The following CHRM3 variants were observed in gnomAD, a reference collection of about 807,000 sequenced individuals.
CHRM3 encodes cholinergic receptor muscarinic 3, also known as muscarinic acetylcholine receptor M3.
A neutral mutation model predicts 41.8 loss-of-function variants in CHRM3; 11 were observed. The ratio of observed to expected loss-of-function variants is 0.26; its 90% CI spans 0.17 to 0.44. The LOEUF (loss-of-function observed/expected upper bound fraction) is 0.44. Ranked by LOEUF, CHRM3 falls within the 20% of genes least tolerant of loss-of-function variation. The pLI, the probability that CHRM3 is intolerant of heterozygous loss-of-function variation, is 1.00. For synonymous variants in CHRM3, 297 were observed against 301.4 expected (o/e 0.99, Z 0.15); for missense variants, 571 against 745.4 (o/e 0.77, Z 2.72).
chr1:239,897,828 T>C (rs1679139160), intron 6 of CHRM3, among the ~76,000 whole-genome samples: 1 of 152,224 alleles, frequency 6.6e-6, no homozygotes, highest in Non-Finnish European at 1.5e-5. Context: ...ATCTAGGTTT[T>C]TGTTTTTGAG....
chr1:239,568,116 G>C (rs543218240), intron 3 of CHRM3, among the ~76,000 whole-genome samples: 1 of 152,072 alleles, frequency 6.6e-6, no homozygotes, highest in Admixed American at 6.5e-5. Flanking sequence ...GGACAGCCAG[G>C]TTCAGTTTCA....
At chr1:239,623,268 C>T (rs1668602420) in intron 3 of CHRM3, among the ~76,000 whole-genome samples, 1 of 144,918 alleles carries the variant, frequency 6.9e-6, no homozygotes, top group South Asian at 2.3e-4. Context: ...CCCCCTCCCC[C>T]AACCCCACAA....
chr1:239,576,889 T>A (rs1558333857), intron 3 of CHRM3, among the ~76,000 whole-genome samples: 1 of 152,132 alleles, frequency 6.6e-6, no homozygotes, highest in Non-Finnish European at 1.5e-5. Context: ...AAGCACACAC[T>A]GTGCTACCTG....
chr1:239,882,743 A>G (rs1677748526), intron 6 of CHRM3, among the ~76,000 whole-genome samples: 1 of 152,238 alleles, frequency 6.6e-6, no homozygotes, highest in African/African-American at 2.4e-5. Context: ...TTAGAATATC[A>G]TATGTGTGTG....
At chr1:239,870,407 G>A (rs555414963) in intron 6 of CHRM3, among the ~76,000 whole-genome samples, 4 of 152,172 alleles carry the variant, frequency 2.6e-5, no homozygotes, top group Non-Finnish European at 5.9e-5. Flanking sequence ...TAAGTCATAC[G>A]ATAAGGATTA....
intron 2 of CHRM3, among the ~76,000 whole-genome samples, chr1:239,527,544 T>G (rs1218671): frequency 0.31 from 46,399 of 152,060 alleles, 7,238 homozygotes; most frequent in Middle Eastern, 0.48. Context: ...AGGTCTGAGA[T>G]TTTTGCTCTC....
At chr1:239,581,219 G>A (rs1662869060) in intron 3 of CHRM3, among the ~76,000 whole-genome samples, 1 of 151,910 alleles carries the variant, frequency 6.6e-6, no homozygotes, top group African/African-American at 2.4e-5. Context: ...CATATGTCGA[G>A]GACTTATTAT....
At chr1:239,531,869 C>A (rs1320564304) in intron 2 of CHRM3, among the ~76,000 whole-genome samples, 1 of 150,288 alleles carries the variant, frequency 6.7e-6, no homozygotes, top group Non-Finnish European at 1.5e-5. Context: ...CTGTGTTAGC[C>A]AGGTTGGTCT....
At position 239,767,728 on chromosome 1, in the gene CHRM3, G is replaced by A. The variant is rs182611744; in HGVS notation, c.-146-59524G>A. Among the ~76,000 whole-genome samples, 21 of 152,182 alleles carry A rather than the reference G, an allele frequency of 1.4e-4. No individual in the cohort carries two copies. The South Asian group carries it at 1.7e-3, about 12-fold the overall frequency. ...ATTTTATTTAATCTTCACAATGATCGTGCAAGATACCGATTTTCTTGCAGA... is the reference window on the plus strand; with the variant it reads ...ATTTTATTTAATCTTCACAATGATCATGCAAGATACCGATTTTCTTGCAGA... On this transcript the variant is annotated intron_variant, in intron 5 of 6. Coordinates refer to ENST00000676153, the MANE Select transcript of CHRM3 (RefSeq NM_001375978.1).
intron 1 of CHRM3, among the ~76,000 whole-genome samples, chr1:239,471,541 C>T (rs1339150386): frequency 6.6e-6 from 1 of 151,994 alleles, no homozygotes; most frequent in Non-Finnish European, 1.5e-5. Context: ...TTTTATGGAC[C>T]CTGAGGTCAG....
chr1:239,608,601 T>G (rs533014439), intron 3 of CHRM3, among the ~76,000 whole-genome samples: 1 of 152,162 alleles, frequency 6.6e-6, no homozygotes, highest in Non-Finnish European at 1.5e-5. Context: ...TAATTCTGTG[T>G]CTTAGAACAT....
At chr1:239,725,062 C>G (rs1038195546) in intron 5 of CHRM3, among the ~76,000 whole-genome samples, 2 of 151,934 alleles carry the variant, frequency 1.3e-5, no homozygotes, top group African/African-American at 4.8e-5. Flanking sequence ...ACAGACTAAG[C>G]ACCTTAGGAT....
At chr1:239,456,251 A>G (rs1664924516) in intron 1 of CHRM3, among the ~76,000 whole-genome samples, 1 of 152,136 alleles carries the variant, frequency 6.6e-6, no homozygotes, top group Admixed American at 6.5e-5. Flanking sequence ...GGCTGGTTTC[A>G]TGACTAACTC....
At chr1:239,645,420 A>G (rs1438495794) in intron 4 of CHRM3, among the ~76,000 whole-genome samples, 1 of 152,226 alleles carries the variant, frequency 6.6e-6, no homozygotes, top group African/African-American at 2.4e-5. Context: ...CAGATTAAAA[A>G]CCAATATTCA....
At chr1:239,631,003 T>C (rs1490655143) in intron 3 of CHRM3, among the ~76,000 whole-genome samples, 9 of 152,074 alleles carry the variant, frequency 5.9e-5, no homozygotes, top group South Asian at 4.2e-4. Context: ...ATCCCGTGAT[T>C]GACAGTTCCA....
chr1:239,455,452 C>T (rs1285343413), intron 1 of CHRM3, among the ~76,000 whole-genome samples: 2 of 152,012 alleles, frequency 1.3e-5, no homozygotes, highest in East Asian at 3.9e-4. Flanking sequence ...ATGACAGTTC[C>T]ATGCATGTTC....
At chr1:239,522,569 A>G (rs193061699) in intron 2 of CHRM3, among the ~76,000 whole-genome samples, 40 of 152,356 alleles carry the variant, frequency 2.6e-4, no homozygotes, top group Non-Finnish European at 4.4e-5. Flanking sequence ...TATATGCAAT[A>G]ATAGGTAGCA....
intron 3 of CHRM3, among the ~76,000 whole-genome samples, chr1:239,610,190 C>CAAAAAAAAA (rs35512941): frequency 5.4e-4 from 42 of 77,884 alleles, no homozygotes; most frequent in African/African-American, 9.3e-4. Context: ...AAGACTCTGT[C>CAAAAAAAAA]AAAAAAAAAA....
At chr1:239,413,252 T>C (rs945527440) in intron 1 of CHRM3, among the ~76,000 whole-genome samples, 3 of 152,062 alleles carry the variant, frequency 2.0e-5, no homozygotes, top group African/African-American at 7.2e-5. Context: ...GGGAAGTGAA[T>C]CATAATCTGG....
Sources: gnomAD v4.1 joint callset for allele counts (sites outside exome capture counted in the v4.1 genomes callset) on GRCh38, gnomAD v4.1.1 for gene constraint, MANE v1.5 for transcripts, NCBI Gene and HGNC (gene_info 2026-07-23, HGNC 2026-07-21) for gene names.